Variants in GALNT14 observed in about 807,000 individuals in gnomAD.
The protein encoded by GALNT14 is polypeptide N-acetylgalactosaminyltransferase 14, also known as UDP-GalNAc:polypeptide N-acetylgalactosaminyltransferase 14.
A neutral mutation model predicts 77.5 loss-of-function variants in GALNT14; 60 were observed. The ratio of observed to expected loss-of-function variants is 0.77; its 90% CI spans 0.63 to 0.96. The LOEUF (loss-of-function observed/expected upper bound fraction) is 0.96, where lower values mean the gene tolerates loss of function less well. Among genes scored for constraint, GALNT14 ranks in the 40% least tolerant of loss-of-function variants. GALNT14 has a pLI of 0.00. For missense variants in GALNT14, 710 were observed against 731.0 expected (o/e 0.97, Z 0.33); for synonymous variants, 280 against 281.7 (o/e 0.99, Z 0.06).
At chr2:31,071,714 C>T (rs1675382135) in intron 1 of GALNT14, among the ~76,000 whole-genome samples, 1 of 152,200 alleles carries the variant, frequency 6.6e-6, no homozygotes, top group African/African-American at 2.4e-5. Flanking sequence ...TTCCTCTGGC[C>T]CCTGCCTGCC....
At chr2:31,047,016 A>G (rs557368619) in intron 1 of GALNT14, among the ~76,000 whole-genome samples, 7 of 152,350 alleles carry the variant, frequency 4.6e-5, no homozygotes, top group Admixed American at 2.6e-4. Context: ...AATGCCAAGA[A>G]GTGGCTTGGC....
chr2:31,049,815 C>T (rs1673723647), intron 1 of GALNT14, among the ~76,000 whole-genome samples: 1 of 152,226 alleles, frequency 6.6e-6, no homozygotes, highest in East Asian at 1.9e-4. Context: ...TTAAACTTTA[C>T]TACAACGCAC....
the GALNT14 span, among the ~76,000 whole-genome samples, chr2:30,901,532 T>A: frequency 6.7e-6 from 1 of 149,964 alleles, no homozygotes; most frequent in Non-Finnish European, 1.5e-5. Flanking sequence ...TTCCCTTTCC[T>A]TTAATACATA....
intron 1 of GALNT14, among the ~76,000 whole-genome samples, chr2:31,114,527 G>A (rs1678002383): frequency 6.6e-6 from 1 of 152,172 alleles, no homozygotes. Flanking sequence ...GATGGTTGCT[G>A]TAGAGACCTA....
intron 9 of GALNT14, among the ~76,000 whole-genome samples, chr2:30,933,381 G>A (rs1422208191): frequency 6.6e-6 from 1 of 152,090 alleles, no homozygotes; most frequent in African/African-American, 2.4e-5. Context: ...AAGCAGGCTG[G>A]GTGTTCAGGG....
intron 4 of GALNT14, among the ~76,000 whole-genome samples, chr2:30,958,028 A>G (rs72855208): frequency 0.019 from 2,851 of 152,286 alleles, 35 homozygotes; most frequent in East Asian, 0.056. Flanking sequence ...GACACAAGGT[A>G]GGAAATGAGC....
intron 1 of GALNT14, among the ~76,000 whole-genome samples, chr2:31,038,064 C>CTATATATATATATATATATA (rs1672851416): frequency 1.2e-5 from 1 of 83,202 alleles, no homozygotes; most frequent in African/African-American, 5.3e-5. Context: ...CCCTTATTTG[C>CTATATATATATATATATATA]CATATATATA....
rs182390912 is a variant in GALNT14, at chr2:30,924,835, G to T, written c.1152-12C>A. 1 of 1,611,320 alleles carries T rather than the reference G, an allele frequency of 6.2e-7. No homozygotes were observed. Among genetic ancestry groups the T allele is most frequent in the African/African-American group, 1.3e-5 (1 of 74,866 alleles). On this transcript the variant is annotated splice_polypyrimidine_tract_variant and intron_variant, in intron 11 of 14. Transcript: ENST00000349752. ...ATCTGCTCTCAACACTGGGGGCAAC[G>T]GGGTTGTGGACAGACACAAAGACAA... is the stretch of plus-strand genomic sequence containing the variant.
chr2:30,982,657 G>T (rs1669058370), intron 2 of GALNT14, among the ~76,000 whole-genome samples: 1 of 152,104 alleles, frequency 6.6e-6, no homozygotes, highest in East Asian at 1.9e-4. Flanking sequence ...ATTCTGATGG[G>T]GCACGGGCAT....
the GALNT14 span, among the ~76,000 whole-genome samples, chr2:30,897,584 G>A: frequency 6.6e-6 from 1 of 152,162 alleles, no homozygotes; most frequent in Non-Finnish European, 1.5e-5. Flanking sequence ...TGAGAAGAAG[G>A]GAGCTTCTGG....
At chr2:31,016,242 T>C (rs75145858) in intron 1 of GALNT14, among the ~76,000 whole-genome samples, 1,551 of 152,276 alleles carry the variant, frequency 0.01, 28 homozygotes, top group African/African-American at 0.036. Flanking sequence ...TGTGGTTTTT[T>C]CTCTGTGTGT....
rs1441905246 is a variant in GALNT14 at position 31,125,295 on chromosome 2, T to C, written c.129+12663A>G. On this transcript the variant is annotated intron_variant, in intron 1 of 14. Transcript: ENST00000349752. ...AAAGAAGAGCAACATGGTCATTTCT[T>C]TGGCAATTAATAGCAGCATTGATTT... The C allele has an allele frequency of 3.6e-6, 5 of 1,402,170 alleles. No individual in the cohort carries two copies. The South Asian group carries it at 6.2e-5, about 17-fold the overall frequency. The allele number at this position is 1,402,170 out of a possible 1,614,324, so 86.9% of individuals were successfully genotyped here.
chr2:31,104,671 C>T (rs1012234913), intron 1 of GALNT14, among the ~76,000 whole-genome samples: 10 of 152,208 alleles, frequency 6.6e-5, no homozygotes, highest in African/African-American at 2.4e-4. Context: ...CTTTGAAAGT[C>T]TGAAACAGTA....
chr2:30,937,859 C>T (rs778984974), intron 9 of GALNT14, among the ~76,000 whole-genome samples: 4 of 152,156 alleles, frequency 2.6e-5, no homozygotes, highest in Non-Finnish European at 4.4e-5. Context: ...CTATGGGGAT[C>T]AGTCTCCACT....
At chr2:31,039,683 T>C (rs892826504) in intron 1 of GALNT14, among the ~76,000 whole-genome samples, 1 of 124,346 alleles carries the variant, frequency 8.0e-6, no homozygotes, top group Non-Finnish European at 1.8e-5. Flanking sequence ...TTAGAAGATC[T>C]CTTTTTTTTT....
chr2:31,002,699 A>C lies in GALNT14; in HGVS notation c.130-9692T>G, dbSNP rs570310017. 3.9e-5 allele frequency among the ~76,000 whole-genome samples: 6 copies of C among 152,316 alleles called. No homozygotes were observed. In the South Asian group the frequency reaches 1.0e-3, roughly 26 times the overall value. The stretch of plus-strand genomic sequence containing the variant: ...CAGTGAAATGCTAACATATCACCAT[A>C]TGCTCCCATATCATACTGCTAATAT... On this transcript the variant is annotated intron_variant, in intron 1 of 14. Coordinates refer to ENST00000349752, the MANE Select transcript of GALNT14 (RefSeq NM_024572.4).
Position 31,044,599 on chromosome 2 carries a change from G to A in GALNT14, c.130-51592C>T, listed in dbSNP as rs144672049. 6.0e-3 allele frequency among the ~76,000 whole-genome samples: 911 copies of A among 152,188 alleles called. 8 individuals are homozygous for A. Among genetic ancestry groups the A allele is most frequent in the African/African-American group, 0.021 (855 of 41,502 alleles). On this transcript the variant is annotated intron_variant, in intron 1 of 14. Coordinates refer to ENST00000349752, the MANE Select transcript of GALNT14 (RefSeq NM_024572.4). ...ATACTGGCTACACTTGATCCCAAGT[G>A]CTTTTGGATAGACAGAAGTATAGGG...
At chr2:30,904,496 T>C in the GALNT14 span, among the ~76,000 whole-genome samples, 1 of 152,208 alleles carries the variant, frequency 6.6e-6, no homozygotes, top group African/African-American at 2.4e-5. Context: ...TACTGCGCTT[T>C]TCCGACGGGC....
At position 31,075,857 on chromosome 2, in the gene GALNT14, G is replaced by A. The variant is rs564163319; in HGVS notation, c.129+62101C>T. ...TCTGGGAAGTTCTACAGACACATTCGTGAGTTAGGGAAAGAAATCTCTCTA... is the reference window on the plus strand; with the variant it reads ...TCTGGGAAGTTCTACAGACACATTCATGAGTTAGGGAAAGAAATCTCTCTA... On this transcript the variant is annotated intron_variant, in intron 1 of 14. Coordinates refer to ENST00000349752, the MANE Select transcript of GALNT14 (RefSeq NM_024572.4). Among the ~76,000 whole-genome samples, 116 of 152,330 alleles carry A rather than the reference G, an allele frequency of 7.6e-4. No individual in the cohort carries two copies. The Middle Eastern group carries it at 0.02, about 27-fold the overall frequency.
Sources: gnomAD v4.1 joint callset for allele counts (sites outside exome capture counted in the v4.1 genomes callset) on GRCh38, gnomAD v4.1.1 for gene constraint, MANE v1.5 for transcripts, NCBI Gene and HGNC (gene_info 2026-07-23, HGNC 2026-07-21) for gene names.